The following KIAA2012 variants were observed in gnomAD, a reference collection of about 807,000 sequenced individuals.
KIAA2012 encodes the protein KIAA2012.
A neutral mutation model predicts 150.6 loss-of-function variants in KIAA2012; 125 were observed. That is an observed-to-expected ratio of 0.83 (90% CI 0.72 to 0.96). The LOEUF is 0.96. Among genes scored for constraint, KIAA2012 ranks in the 40% least tolerant of loss-of-function variants. KIAA2012 has a pLI of 0.00. For missense variants in KIAA2012, 1,219 were observed against 1,354.9 expected, an observed-to-expected ratio of 0.90 and a Z score of 1.57; for synonymous variants, 462 against 504.7, an observed-to-expected ratio of 0.92 and a Z score of 1.13.
chr2:202,112,403 C>G (rs1392872288), intron 10 of KIAA2012, among the ~76,000 whole-genome samples: 1 of 152,180 alleles, frequency 6.6e-6, no homozygotes, highest in African/African-American at 2.4e-5. Context: ...TTTCTAATGT[C>G]CTTTATAAAT....
chr2:202,160,764 A>G (rs927666640), intron 14 of KIAA2012, among the ~76,000 whole-genome samples: 1 of 152,184 alleles, frequency 6.6e-6, no homozygotes, highest in African/African-American at 2.4e-5. Context: ...TTCATGTATC[A>G]TATGGTATGT....
chr2:202,102,165 C>T (rs1001331146), intron 7 of KIAA2012, among the ~76,000 whole-genome samples: 2 of 148,076 alleles, frequency 1.4e-5, no homozygotes, highest in Non-Finnish European at 2.9e-5. Flanking sequence ...GTGAATCTCT[C>T]ATACACACAC....
At chr2:202,115,051 T>C (rs1388664894) in intron 11 of KIAA2012, 1 of 166,376 alleles carries the variant, frequency 6.0e-6, no homozygotes, top group Non-Finnish European at 1.5e-5. Context: ...TCTGGCTTTC[T>C]AAGAGTCTCT....
At position 202,104,046 on chromosome 2, in the gene KIAA2012, C is replaced by A. The variant is rs1690118485; in HGVS notation, c.1324+932C>A. Among the ~76,000 whole-genome samples the A allele has an allele frequency of 6.6e-6, 1 of 152,156 alleles. No individual in the cohort carries two copies. On this transcript the variant is annotated intron_variant, in intron 8 of 23. Coordinates refer to ENST00000498697, the MANE Select transcript of KIAA2012 (RefSeq NM_001277372.4). The surrounding 1 kb of genome is among the most constrained non-coding windows in gnomAD (Gnocchi z 4.3). ...GACTCCTGGGAATCACACAGGCAGC[C>A]ATTTTGTTCTAAGCCTGTTTGGACT...
At chr2:202,110,277 T>C (rs1031371113) in intron 10 of KIAA2012, among the ~76,000 whole-genome samples, 1 of 152,192 alleles carries the variant, frequency 6.6e-6, no homozygotes, top group Admixed American at 6.5e-5. Context: ...CCATTCCCTC[T>C]AGGATTTAGC....
At chr2:202,159,767 G>T (rs186777051) in intron 14 of KIAA2012, among the ~76,000 whole-genome samples, 1 of 152,160 alleles carries the variant, frequency 6.6e-6, no homozygotes, top group Non-Finnish European at 1.5e-5. Context: ...TCTTGAACCC[G>T]GGAGGCGGAG....
chr2:202,079,947 T>C (rs1371669249), intron 2 of KIAA2012, among the ~76,000 whole-genome samples: 18 of 152,250 alleles, frequency 1.2e-4, no homozygotes, highest in Non-Finnish European at 4.4e-5. Flanking sequence ...ATTTTACCTG[T>C]ATAACCTCAT....
chr2:202,203,135 C>G (rs1432923754), intron 23 of KIAA2012, among the ~76,000 whole-genome samples: 1 of 152,096 alleles, frequency 6.6e-6, no homozygotes, highest in Non-Finnish European at 1.5e-5. Flanking sequence ...AATCCAGAAG[C>G]CTTGGTGCCT....
At chr2:202,186,387 C>T (rs1039288720) in intron 16 of KIAA2012, among the ~76,000 whole-genome samples, 1 of 152,118 alleles carries the variant, frequency 6.6e-6, no homozygotes, top group Non-Finnish European at 1.5e-5. Context: ...TGGTGGGCGC[C>T]TGTAATCCCA....
chr2:202,194,427 T>G, intron 21 of KIAA2012, 65 bp downstream of exon 21: 3 of 1,514,342 alleles, frequency 2.0e-6, no homozygotes. Context: ...TTTATCCAGC[T>G]GTGAGTGTTC....
At chr2:202,121,641 G>C (rs971278788) in intron 11 of KIAA2012, among the ~76,000 whole-genome samples, 3 of 152,184 alleles carry the variant, frequency 2.0e-5, no homozygotes, top group Admixed American at 2.0e-4. Flanking sequence ...TCATAGGTAA[G>C]GAGACTGAAA....
At chr2:202,085,199 G>A (rs1371114938) in intron 2 of KIAA2012, among the ~76,000 whole-genome samples, 1 of 152,100 alleles carries the variant, frequency 6.6e-6, no homozygotes, top group East Asian at 1.9e-4. Context: ...CAGGAAACTA[G>A]AAAAAAACTT....
chr2:202,100,539 C>A, intron 7 of KIAA2012, 90 bp downstream of exon 7: 1 of 1,388,786 alleles, frequency 7.2e-7, no homozygotes, highest in South Asian at 1.5e-5. Context: ...TAAGGTGACT[C>A]GAAAGGATGT....
intron 12 of KIAA2012, among the ~76,000 whole-genome samples, chr2:202,128,733 G>A (rs1436753921): frequency 6.9e-6 from 1 of 145,340 alleles, no homozygotes; most frequent in African/African-American, 2.6e-5. Context: ...TTTTTTTTCA[G>A]GTTGACTTGG....
intron 11 of KIAA2012, among the ~76,000 whole-genome samples, chr2:202,123,200 G>A (rs188264418): frequency 1.6e-4 from 24 of 152,246 alleles, no homozygotes; most frequent in African/African-American, 5.5e-4. Context: ...GGTGACAGAC[G>A]GTGTTCGTGT....
intron 2 of KIAA2012, among the ~76,000 whole-genome samples, chr2:202,080,881 G>A (rs1689437109): frequency 6.6e-6 from 1 of 152,066 alleles, no homozygotes; most frequent in Admixed American, 6.6e-5. Context: ...CATTTTAGAT[G>A]TACAGTTTGC....
chr2:202,173,478 A>G (rs1691936238), intron 15 of KIAA2012, among the ~76,000 whole-genome samples: 1 of 152,152 alleles, frequency 6.6e-6, no homozygotes, highest in Non-Finnish European at 1.5e-5. Context: ...CTGAGGCAGG[A>G]GAATCGCTTG....
intron 2 of KIAA2012, among the ~76,000 whole-genome samples, chr2:202,076,585 C>A (rs1367919856): frequency 1.3e-5 from 2 of 152,104 alleles, no homozygotes; most frequent in Admixed American, 6.5e-5. Flanking sequence ...TTTATTTAAT[C>A]CCTACAAAGA....
chr2:202,187,417 G>C (rs1476813738), intron 17 of KIAA2012, among the ~76,000 whole-genome samples: 1 of 152,062 alleles, frequency 6.6e-6, no homozygotes, highest in Non-Finnish European at 1.5e-5. Context: ...TGATTCTCCT[G>C]CCTCAGCCTC....
Sources: allele counts gnomAD v4.1 joint callset (sites outside exome capture counted in the v4.1 genomes callset), GRCh38; gene constraint gnomAD v4.1.1; non-coding constraint Gnocchi (gnomAD v3.1); transcripts MANE v1.5; gene names NCBI Gene and HGNC (gene_info 2026-07-23, HGNC 2026-07-21).